The following CEP170B variants were observed in gnomAD, a reference collection of about 807,000 sequenced individuals.
The protein encoded by CEP170B is centrosomal protein 170B, also known as centrosomal protein of 170 kDa protein B.
In CEP170B, 55 loss-of-function variants were observed where a neutral mutation model predicts 120.6. The observed-to-expected ratio is 0.46, with a 90% confidence interval of 0.37 to 0.57. CEP170B has a LOEUF of 0.57. Among genes scored for constraint, CEP170B ranks in the 20% least tolerant of loss-of-function variants. The pLI is 0.00. For synonymous variants in CEP170B, 1,033 were observed against 954.5 expected (o/e 1.08, Z -1.52); for missense variants, 2,212 against 2,253.3 (o/e 0.98, Z 0.37).
intron 2 of CEP170B, among the ~76,000 whole-genome samples, chr14:104,871,209 A>G (rs780350714): frequency 5.8e-4 from 88 of 152,160 alleles, no homozygotes; most frequent in Non-Finnish European, 1.1e-3. Flanking sequence ...GATGATCCAC[A>G]TGCTGCCTGG....
rs1174940474 is a variant in CEP170B, at chr14:104,893,148, C to T, written c.4038+13C>T. ...TGCCCGGGAGGAGGTGAGCCCCAGG[C>T]TTTCTGAGGCCCCTGTGCCAGAGCC... On this transcript the variant is annotated intron_variant, in intron 14 of 18. Coordinates refer to ENST00000414716, the MANE Select transcript of CEP170B (RefSeq NM_001112726.3). 6.2e-7 allele frequency: 1 copy of T among 1,603,292 alleles called. No individual in the cohort carries two copies. Among genetic ancestry groups the T allele is most frequent in the Non-Finnish European group, 8.5e-7 (1 of 1,176,062 alleles).
rs1896508073 is a variant in CEP170B at position 104,886,390 on chromosome 14, C to T, written c.2151C>T (p.Ser717=). ...CTGACAGCCCTGCGGGCCCAGAGAG[C>T]AGCAGGAGGAGTGGGCCTGGGCCAC... The part of the protein sequence containing the change: ...ERADSPAGPE[S]SRRSGPGPPE... Residue 717 remains serine, a synonymous_variant, in exon 12 of 19, where the codon AGC becomes AGT. Coordinates refer to ENST00000414716, the MANE Select transcript of CEP170B (RefSeq NM_001112726.3). 3 of 1,582,656 alleles carry T rather than the reference C, an allele frequency of 1.9e-6. No homozygotes were observed. The highest frequency in any genetic ancestry group is 2.7e-5 in the African/African-American group (2 of 74,360).
rs967985604 is a variant in CEP170B, at chr14:104,879,269, T to TA, written c.333+769dup. ...TCGGGGGATTTGAGGATCTACGTGT[T>TA]AGAGGATTTGGCGTTCCTCTGGGTG... On this transcript the variant is annotated intron_variant, in intron 5 of 18. Coordinates refer to ENST00000414716, the MANE Select transcript of CEP170B (RefSeq NM_001112726.3). Among the ~76,000 whole-genome samples the TA allele has an allele frequency of 2.1e-4, 32 of 152,132 alleles. 1 individual carries two copies. The highest frequency in any genetic ancestry group is 6.6e-5 in the Admixed American group (1 of 15,260).
Position 104,887,512 on chromosome 14 carries a change from C to T in CEP170B, c.3273C>T (p.Ala1091=). The change falls in exon 12 of 19, where the codon GCC becomes GCT. Residue 1091 remains alanine, a synonymous_variant. Coordinates refer to ENST00000414716, the MANE Select transcript of CEP170B (RefSeq NM_001112726.3). ...KPAAPPPSPA[A]REEQSRSSAS... ...CGGCCCCACCGCCATCCCCAGCTGCCCGGGAGGAGCAGAGCCGTAGCTCAG... is the reference window on the plus strand; with the variant it reads ...CGGCCCCACCGCCATCCCCAGCTGCTCGGGAGGAGCAGAGCCGTAGCTCAG... 2.5e-6 allele frequency: 4 copies of T among 1,611,748 alleles called. No homozygotes were observed. The highest frequency in any genetic ancestry group is 3.4e-6 in the Non-Finnish European group (4 of 1,179,604).
intron 8 of CEP170B, 53 bp from the exon 9 acceptor site, chr14:104,883,778 C>T (rs1221228217): frequency 1.4e-6 from 2 of 1,455,378 alleles, no homozygotes. Context: ...CTGAGATCGA[C>T]AGCTGTTTCC....
chr14:104,875,456 G>A (rs1026985571), intron 2 of CEP170B, among the ~76,000 whole-genome samples: 3 of 152,160 alleles, frequency 2.0e-5, no homozygotes, highest in African/African-American at 4.8e-5. Flanking sequence ...GGGGCAGGAG[G>A]GATGGAGCCA....
chr14:104,884,916 G>A (rs1407785313), intron 9 of CEP170B, among the ~76,000 whole-genome samples: 2 of 71,136 alleles, frequency 2.8e-5, no homozygotes, highest in Admixed American at 1.3e-4. Flanking sequence ...AGGTGATGCC[G>A]GGGGTGGCGA....
At position 104,886,369 on chromosome 14, in the gene CEP170B, C is replaced by T; in HGVS notation, c.2130C>T (p.Asp710=). The change falls in exon 12 of 19, where the codon GAC becomes GAT. Residue 710 remains aspartate (D), a synonymous_variant. Coordinates refer to ENST00000414716, the MANE Select transcript of CEP170B (RefSeq NM_001112726.3). ...CTCAGCTGCCCAGTGAGAGGGCTGA[C>T]AGCCCTGCGGGCCCAGAGAGCAGCA... ...RLPQLPSERA[D]SPAGPESSRR... 3 of 1,579,848 alleles carry T rather than the reference C, an allele frequency of 1.9e-6. No individual in the cohort carries two copies. The highest frequency in any genetic ancestry group is 2.6e-6 in the Non-Finnish European group (3 of 1,164,938).
chr14:104,896,328 A>AG lies in CEP170B; in HGVS notation c.*1377dup, dbSNP rs539561739. 4.5e-5 allele frequency: 15 copies of AG among 335,936 alleles called. No individual in the cohort carries two copies. The highest frequency in any genetic ancestry group is 1.1e-3 in the Middle Eastern group (1 of 890). The allele number at this position is 335,936 out of a possible 1,614,324, so 20.8% of individuals were successfully genotyped here. On this transcript the variant is annotated 3_prime_UTR_variant, in exon 19 of 19. Transcript: ENST00000414716. ...CACCTGATGTTTACGTGTGTGTGTG[A>AG]GGGGGGGCGGGGGTGGCAGGTGTCC...
In CEP170B at chr14:104,883,181, G is replaced by GTGCCGGCACACGAGA; in HGVS notation, c.729_743dup (p.Ala244_Pro248dup). On this transcript the variant is annotated inframe_insertion, in exon 8 of 19. Transcript: ENST00000414716. ...CCCGCAGCCGTCGCAGCCCCCCGAG[G>GTGCCGGCACACGAGA]TGCCGGCACACGAGATGCCCACGAA... The GTGCCGGCACACGAGA allele has an allele frequency of 6.2e-7, 1 of 1,605,100 alleles. No homozygotes were observed. The highest frequency in any genetic ancestry group is 8.5e-7 in the Non-Finnish European group (1 of 1,177,658).
Position 104,887,179 on chromosome 14 carries a change from G to T in CEP170B, c.2940G>T (p.Arg980=). Residue 980 remains arginine, a synonymous_variant, in exon 12 of 19, where the codon CGG becomes CGT. Transcript: ENST00000414716. ...GPSPTTPQPL[R]AQKEMSPSPP... ...GCCCCACAACCCCCCAGCCTCTGCG[G>T]GCACAGAAGGAGATGTCGCCATCCC... is the stretch of plus-strand genomic sequence containing the variant. The T allele has an allele frequency of 2.5e-6, 4 of 1,607,424 alleles. No individual in the cohort carries two copies. The highest frequency in any genetic ancestry group is 2.5e-6 in the Non-Finnish European group (3 of 1,179,730).
In CEP170B at chr14:104,880,442, C is replaced by A. The variant is rs770053743; in HGVS notation, c.472+17C>A. On this transcript the variant is annotated intron_variant, in intron 6 of 18. Transcript: ENST00000414716. ...CAGGAACAGGTAGGCCCAGGCAGTG[C>A]GGATGGGGTGAGCACACAGGGCCAC... 1 of 1,608,912 alleles carries A rather than the reference C, an allele frequency of 6.2e-7. No homozygotes were observed. The highest frequency in any genetic ancestry group is 1.7e-4 in the Middle Eastern group (1 of 5,832).
chr14:104,865,069 G>T (rs1017968173), upstream of CEP170B, among the ~76,000 whole-genome samples: 5 of 151,396 alleles, frequency 3.3e-5, no homozygotes, highest in Admixed American at 3.3e-4. The surrounding 1 kb of genome is among the most constrained non-coding windows in gnomAD (Gnocchi z 6.7). Context: ...CTGGGGCAGG[G>T]GCGGGATGGC....
At chr14:104,865,110 G>A (rs576225070), upstream of CEP170B, among the ~76,000 whole-genome samples, 1 of 150,884 alleles carries the variant, frequency 6.6e-6, no homozygotes, top group African/African-American at 2.4e-5. This position sits in a 1 kb window ranked among gnomAD's most constrained non-coding sequence, Gnocchi z 6.7. Context: ...ACCGGACCAC[G>A]CGCGGGGCTA....
intron 5 of CEP170B, 55 bp from the exon 6 acceptor site, chr14:104,880,232 G>T (rs930060879): frequency 2.8e-5 from 44 of 1,550,164 alleles, no homozygotes; most frequent in Non-Finnish European, 3.7e-5. Flanking sequence ...GCCCACCCTG[G>T]TGGGTTCCTC....
At chr14:104,879,210 T>C (rs1395856704) in intron 5 of CEP170B, among the ~76,000 whole-genome samples, 1 of 152,136 alleles carries the variant, frequency 6.6e-6, no homozygotes, top group East Asian at 1.9e-4. Flanking sequence ...GAATTTGGTC[T>C]CTCTGTGAGT....
At position 104,868,750 on chromosome 14, in the gene CEP170B, T is replaced by C. The variant is rs1469773811; in HGVS notation, c.105+195T>C. On this transcript the variant is annotated intron_variant, in intron 2 of 18. Coordinates refer to ENST00000414716, the MANE Select transcript of CEP170B (RefSeq NM_001112726.3). This position sits in a 1 kb window ranked among gnomAD's most constrained non-coding sequence, Gnocchi z 5.9. ...GCTCCCGTGGGTGCGTGCAGGGGTGTGTGTGTGCTCACAGGCTCGGGTCCC... is the reference window on the plus strand; with the variant it reads ...GCTCCCGTGGGTGCGTGCAGGGGTGCGTGTGTGCTCACAGGCTCGGGTCCC... 6.6e-6 allele frequency among the ~76,000 whole-genome samples: 1 copy of C among 152,056 alleles called. No individual in the cohort carries two copies. Among genetic ancestry groups the C allele is most frequent in the Non-Finnish European group, 1.5e-5 (1 of 68,000 alleles).
intron 17 of CEP170B, 45 bp downstream of exon 17, chr14:104,894,423 C>T: frequency 6.2e-7 from 1 of 1,606,466 alleles, no homozygotes; most frequent in Non-Finnish European, 8.5e-7. Context: ...CCCAGCCAGC[C>T]TGCCTTTGCC....
At position 104,884,431 on chromosome 14, in the gene CEP170B, A is replaced by G; in HGVS notation, c.1652A>G (p.Gln551Arg). Reference sequence around the variant, plus strand: ...CCACCGCCCGCCCCCACGGACCCCCAGCTGACCAAGGCACGGAAACAGGAG... The same window carrying G: ...CCACCGCCCGCCCCCACGGACCCCCGGCTGACCAAGGCACGGAAACAGGAG... ...PTPPPAPTDP[Q>R]LTKARKQEED... Residue 551 changes from glutamine to arginine, a missense_variant, in exon 9 of 19, where the codon CAG (glutamine) becomes CGG (arginine). Physicochemically the swap from Gln to Arg is conservative, Grantham distance 43. Transcript: ENST00000414716. 7.5e-7 allele frequency: 1 copy of G among 1,340,866 alleles called. No individual in the cohort carries two copies. Among genetic ancestry groups the G allele is most frequent in the Non-Finnish European group, 1.0e-6 (1 of 979,210 alleles). The allele number at this position is 1,340,866 out of a possible 1,614,324, so 83.1% of individuals were successfully genotyped here.
Sources: gnomAD v4.1 joint callset for allele counts (sites outside exome capture counted in the v4.1 genomes callset) on GRCh38, gnomAD v4.1.1 for gene constraint, Gnocchi (gnomAD v3.1) non-coding constraint, MANE v1.5 for transcripts, NCBI Gene and HGNC (gene_info 2026-07-23, HGNC 2026-07-21) for gene names.